Variants in TTC9 observed in about 807,000 individuals in gnomAD.
TTC9 encodes the protein tetratricopeptide repeat protein 9A.
A neutral mutation model predicts 22.9 loss-of-function variants in TTC9; 13 were observed. That is an observed-to-expected ratio of 0.57 (90% confidence interval 0.37 to 0.90). The LOEUF is 0.90. Ranked by LOEUF, TTC9 falls within the 40% of genes least tolerant of loss-of-function variation. The probability of loss-of-function intolerance (pLI) is 0.01; values close to 1 mark genes in which losing one functional copy is unlikely to be tolerated. For missense variants in TTC9, 280 were observed against 291.8 expected, an observed-to-expected ratio of 0.96 and a Z score of 0.29; for synonymous variants, 148 against 133.2, an observed-to-expected ratio of 1.11 and a Z score of -0.77.
At chr14:70,659,118 A>T (rs1436547779) in intron 1 of TTC9, among the ~76,000 whole-genome samples, 1 of 89,694 alleles carries the variant, frequency 1.1e-5, no homozygotes, top group East Asian at 5.4e-4. Context: ...GTATATAACT[A>T]AACACACACA....
intron 1 of TTC9, among the ~76,000 whole-genome samples, chr14:70,653,249 TAGGGAAAGAGAG>T (rs1482681301): frequency 5.3e-4 from 80 of 152,100 alleles, no homozygotes; most frequent in Non-Finnish European, 6.0e-4. Flanking sequence ...GAGGAAAATA[TAGGGAAAGAGAG>T]AGGGAAAGAA....
chr14:70,646,075 T>G (rs1439271117), intron 1 of TTC9, among the ~76,000 whole-genome samples: 1 of 152,174 alleles, frequency 6.6e-6, no homozygotes, highest in Non-Finnish European at 1.5e-5. Context: ...AGGGGACGCA[T>G]GAAGGGTGTG....
chr14:70,652,298 A>G (rs1885996115), intron 1 of TTC9, among the ~76,000 whole-genome samples: 1 of 152,202 alleles, frequency 6.6e-6, no homozygotes, highest in Admixed American at 6.5e-5. Flanking sequence ...GAGATTTCCA[A>G]GGCAACCCTT....
intron 1 of TTC9, among the ~76,000 whole-genome samples, chr14:70,664,565 A>G (rs1886186582): frequency 6.6e-6 from 1 of 152,094 alleles, no homozygotes; most frequent in Non-Finnish European, 1.5e-5. Flanking sequence ...GTCTCTATTA[A>G]AACTACAAAA....
At chr14:70,670,827 C>A (rs561455412) in intron 2 of TTC9, among the ~76,000 whole-genome samples, 1 of 152,054 alleles carries the variant, frequency 6.6e-6, no homozygotes, top group Non-Finnish European at 1.5e-5. Flanking sequence ...GAAATTCTCT[C>A]TCCTCTCCCA....
In TTC9 at chr14:70,672,399, C is replaced by T. The variant is rs994074483; in HGVS notation, c.*1244C>T. The T allele has an allele frequency of 3.9e-5, 6 of 152,216 alleles. No homozygotes were observed. Among genetic ancestry groups the T allele is most frequent in the Non-Finnish European group, 7.3e-5 (5 of 68,050 alleles). The allele number at this position is 152,216 out of a possible 1,614,324, so 9.4% of individuals were successfully genotyped here. On this transcript the variant is annotated 3_prime_UTR_variant, in exon 3 of 3. Coordinates refer to ENST00000256367, the MANE Select transcript of TTC9 (RefSeq NM_015351.2). ...AGCCTAGTCTCCTGATGTCTGTGCTCGTTATGCTATGCCATGTTGCTTCAG... is the reference window on the plus strand; with the variant it reads ...AGCCTAGTCTCCTGATGTCTGTGCTTGTTATGCTATGCCATGTTGCTTCAG...
At chr14:70,648,471 C>T (rs770824004) in intron 1 of TTC9, among the ~76,000 whole-genome samples, 6 of 152,294 alleles carry the variant, frequency 3.9e-5, no homozygotes, top group Middle Eastern at 6.8e-3. Context: ...ATCAGAGTCC[C>T]TACAGCCAAA....
chr14:70,657,670 A>G (rs1287436836), intron 1 of TTC9, among the ~76,000 whole-genome samples: 1 of 152,156 alleles, frequency 6.6e-6, no homozygotes, highest in Non-Finnish European at 1.5e-5. Flanking sequence ...TGAACAAAGA[A>G]ACGGCTACTT....
chr14:70,657,443 T>TA (rs1444634072), intron 1 of TTC9, among the ~76,000 whole-genome samples: 1 of 152,170 alleles, frequency 6.6e-6, no homozygotes, highest in Non-Finnish European at 1.5e-5. Context: ...ACAGTGTTGC[T>TA]AAAACAAAGA....
intron 1 of TTC9, among the ~76,000 whole-genome samples, chr14:70,657,715 C>G (rs1369802203): frequency 6.6e-6 from 1 of 152,140 alleles, no homozygotes; most frequent in Admixed American, 6.5e-5. Flanking sequence ...CCTGTAATCC[C>G]AGTGCTTTGG....
At chr14:70,651,622 T>G (rs139881011) in intron 1 of TTC9, among the ~76,000 whole-genome samples, 1 of 152,318 alleles carries the variant, frequency 6.6e-6, no homozygotes, top group Non-Finnish European at 1.5e-5. Context: ...CCTGGCAGCA[T>G]GGTACCCCAC....
intron 1 of TTC9, among the ~76,000 whole-genome samples, chr14:70,663,536 A>G (rs554691693): frequency 2.3e-4 from 35 of 152,366 alleles, no homozygotes; most frequent in African/African-American, 7.5e-4. Context: ...GATCCCAGCT[A>G]TAATGCTACT....
chr14:70,673,289 C>T lies in TTC9; in HGVS notation c.*2134C>T, dbSNP rs1039271175. ...CACCACGGCAGGATCCAATCACAGC[C>T]GAGGGGCCCAGAAGAGAGCAGCGTA... is the stretch of plus-strand genomic sequence containing the variant. On this transcript the variant is annotated 3_prime_UTR_variant, in exon 3 of 3. Coordinates refer to ENST00000256367, the MANE Select transcript of TTC9 (RefSeq NM_015351.2). The T allele has an allele frequency of 6.6e-6, 1 of 152,138 alleles. No homozygotes were observed. The highest frequency in any genetic ancestry group is 2.4e-5 in the African/African-American group (1 of 41,424). The allele number at this position is 152,138 out of a possible 1,614,324, so 9.4% of individuals were successfully genotyped here.
intron 1 of TTC9, among the ~76,000 whole-genome samples, chr14:70,661,410 T>C (rs1886143483): frequency 6.6e-6 from 1 of 152,224 alleles, no homozygotes; most frequent in Non-Finnish European, 1.5e-5. Flanking sequence ...GGCAGCCTTG[T>C]AGAGTAGGTT....
chr14:70,666,925 C>T (rs1474149431), intron 1 of TTC9, among the ~76,000 whole-genome samples: 1 of 152,182 alleles, frequency 6.6e-6, no homozygotes, highest in Non-Finnish European at 1.5e-5. Context: ...AGGCTGCCTA[C>T]AACAAAGTCC....
chr14:70,664,680 G>T (rs989975239), intron 1 of TTC9, among the ~76,000 whole-genome samples: 4 of 149,552 alleles, frequency 2.7e-5, no homozygotes, highest in Non-Finnish European at 4.4e-5. Context: ...AGTGAGCCGA[G>T]ATCGCACCAC....
intron 1 of TTC9, among the ~76,000 whole-genome samples, chr14:70,660,588 A>G (rs978905712): frequency 1.3e-5 from 2 of 152,218 alleles, no homozygotes; most frequent in African/African-American, 4.8e-5. Flanking sequence ...CCTATTTAAC[A>G]TGGGAAGAAT....
In TTC9 at chr14:70,671,623, CAG is replaced by C. The variant is rs1377219343; in HGVS notation, c.*472_*473del. 5.6e-5 allele frequency: 9 copies of C among 160,404 alleles called. No homozygotes were observed. The highest frequency in any genetic ancestry group is 4.9e-4 in the Admixed American group (8 of 16,342). 9.9% of individuals were successfully genotyped at this position (160,404 alleles called of 1,614,324 possible). ...GTTAGAAATCCAGGGACGAGACAAA[CAG>C]AGAAGCGCTGGTGAAGCCAACATAG... On this transcript the variant is annotated 3_prime_UTR_variant, in exon 3 of 3. Coordinates refer to ENST00000256367, the MANE Select transcript of TTC9 (RefSeq NM_015351.2).
chr14:70,644,317 G>A (rs907932638), intron 1 of TTC9, among the ~76,000 whole-genome samples: 9 of 152,130 alleles, frequency 5.9e-5, no homozygotes, highest in Non-Finnish European at 8.8e-5. Flanking sequence ...CTCACACACT[G>A]GAAAACTTCA....
Sources: allele counts gnomAD v4.1 joint callset (sites outside exome capture counted in the v4.1 genomes callset), GRCh38; gene constraint gnomAD v4.1.1; transcripts MANE v1.5; gene names NCBI Gene and HGNC (gene_info 2026-07-23, HGNC 2026-07-21).